The following EPHB1 variants were observed in gnomAD, a reference collection of about 807,000 sequenced individuals.
The protein encoded by EPHB1 is ephrin type-B receptor 1.
A neutral mutation model predicts 94.4 loss-of-function variants in EPHB1; 30 were observed. The observed-to-expected ratio is 0.32, with a 90% confidence interval of 0.24 to 0.43. The LOEUF is 0.43. EPHB1 is among the 20% of genes least tolerant of loss of function. The pLI, the probability that EPHB1 is intolerant of heterozygous loss-of-function variation, is 1.00. For missense variants in EPHB1, 1,055 were observed against 1,308.3 expected (o/e 0.81, Z 2.99); for synonymous variants, 522 against 489.1 (o/e 1.07, Z -0.89).
At chr3:134,907,763 T>C (rs974489444) in intron 1 of EPHB1, among the ~76,000 whole-genome samples, 4 of 149,946 alleles carry the variant, frequency 2.7e-5, no homozygotes, top group African/African-American at 9.8e-5. Flanking sequence ...TATTACTCAA[T>C]TTAAAAATTC....
chr3:135,202,682 C>T (rs1308210030), intron 12 of EPHB1, among the ~76,000 whole-genome samples: 2 of 152,162 alleles, frequency 1.3e-5, no homozygotes, highest in Admixed American at 6.5e-5. Flanking sequence ...TAAAAGGAAA[C>T]GCCAATTAGA....
intron 3 of EPHB1, among the ~76,000 whole-genome samples, chr3:134,959,731 G>T (rs951464195): frequency 2.6e-5 from 4 of 152,080 alleles, no homozygotes. Context: ...GGCTCACCAG[G>T]GAAGAAAAGG....
At chr3:134,907,443 T>G (rs1200031835) in intron 1 of EPHB1, among the ~76,000 whole-genome samples, 2 of 152,224 alleles carry the variant, frequency 1.3e-5, no homozygotes, top group African/African-American at 4.8e-5. Flanking sequence ...CTCAGTTGTC[T>G]CTGGCCATTA....
chr3:135,248,288 C>T (rs758385290), intron 13 of EPHB1, 28 bp from the exon 14 acceptor site: 1 of 1,510,932 alleles, frequency 6.6e-7, no homozygotes, highest in Non-Finnish European at 8.9e-7. Context: ...GTCACTCAAT[C>T]ACACCTGTTC....
chr3:135,174,612 C>T (rs970492503), intron 9 of EPHB1, among the ~76,000 whole-genome samples: 2 of 152,074 alleles, frequency 1.3e-5, no homozygotes, highest in South Asian at 4.1e-4. Context: ...TTTGTTTTGC[C>T]GATAGTTTCC....
intron 3 of EPHB1, among the ~76,000 whole-genome samples, chr3:135,052,969 A>ATATG (rs1937223794): frequency 2.6e-5 from 3 of 113,776 alleles, no homozygotes; most frequent in African/African-American, 1.1e-4. Context: ...GTGTATATAT[A>ATATG]TGTGTATATA....
chr3:135,241,152 G>GGAA lies in EPHB1; in HGVS notation c.2354_2356dup (p.Lys785dup). 1 of 1,614,176 alleles carries GGAA rather than the reference G, an allele frequency of 6.2e-7. No individual in the cohort carries two copies. The highest frequency in any genetic ancestry group is 8.5e-7 in the Non-Finnish European group (1 of 1,180,042). ...CACGGTTTCTCCTTCTTTCAGGGAG[G>GGAA]GAAGATCCCTGTGAGATGGACAGCT... On this transcript the variant is annotated inframe_insertion, in exon 13 of 16. Transcript: ENST00000398015.
chr3:134,879,003 A>G (rs1247203902), intron 1 of EPHB1, among the ~76,000 whole-genome samples: 2 of 152,216 alleles, frequency 1.3e-5, no homozygotes, highest in Non-Finnish European at 2.9e-5. Flanking sequence ...CGTTAAGATA[A>G]TCAGAGGGAT....
rs145866122 is a variant in EPHB1, at chr3:135,106,139, C to G, written c.806-309C>G. Among the ~76,000 whole-genome samples the G allele has an allele frequency of 8.8e-3, 1,332 of 152,184 alleles. 15 individuals carry two copies. The highest frequency in any genetic ancestry group is 0.031 in the African/African-American group (1,267 of 41,514). ...TAACCATTTATAGAGCACTTATGTC[C>G]CAGGAACTGAGCTACACTTTAGATT... On this transcript the variant is annotated intron_variant, in intron 3 of 15. Transcript: ENST00000398015.
At chr3:134,966,676 C>T (rs1163858360) in intron 3 of EPHB1, among the ~76,000 whole-genome samples, 1 of 152,260 alleles carries the variant, frequency 6.6e-6, no homozygotes, top group African/African-American at 2.4e-5. Flanking sequence ...CACCAGGAAG[C>T]CCCAGCTTGG....
rs545374324 is a variant in EPHB1, at chr3:135,221,736, C to T, written c.2347-19412C>T. Among the ~76,000 whole-genome samples the T allele has an allele frequency of 4.6e-5, 7 of 152,240 alleles. No individual in the cohort carries two copies. In the South Asian group the frequency reaches 1.0e-3, roughly 23 times the overall value. On this transcript the variant is annotated intron_variant, in intron 12 of 15. Coordinates refer to ENST00000398015, the MANE Select transcript of EPHB1 (RefSeq NM_004441.5). ...ATCTGTCAAAGGGGATACTATATTA[C>T]GCCTCATGTACATCACATGACTACT... is the stretch of plus-strand genomic sequence containing the variant.
intron 1 of EPHB1, among the ~76,000 whole-genome samples, chr3:134,882,856 A>C (rs1199408487): frequency 1.6e-5 from 1 of 64,098 alleles, no homozygotes; most frequent in Non-Finnish European, 3.6e-5. Flanking sequence ...TTCTCTCTTG[A>C]CTGTCACCCA....
intron 1 of EPHB1, among the ~76,000 whole-genome samples, chr3:134,847,836 A>G (rs145357300): frequency 1.3e-5 from 2 of 152,268 alleles, no homozygotes; most frequent in East Asian, 1.9e-4. Context: ...CAATTTTCCC[A>G]TTGTGGCTGA....
Position 135,247,172 on chromosome 3 carries a change from C to T in EPHB1, c.2497-1144C>T, listed in dbSNP as rs549678907. Among the ~76,000 whole-genome samples the T allele has an allele frequency of 2.0e-4, 30 of 152,256 alleles. 2 individuals are homozygous for T. In the South Asian group the frequency reaches 5.2e-3, roughly 26 times the overall value. ...AAATTCAAACAAGCAAAGAGAAACACATGAAAAATATTCAGGTTTCTGCCT... is the reference window on the plus strand; with the variant it reads ...AAATTCAAACAAGCAAAGAGAAACATATGAAAAATATTCAGGTTTCTGCCT... On this transcript the variant is annotated intron_variant, in intron 13 of 15. Transcript: ENST00000398015.
intron 15 of EPHB1, among the ~76,000 whole-genome samples, chr3:135,257,260 G>C (rs1029690075): frequency 6.6e-6 from 1 of 152,198 alleles, no homozygotes; most frequent in African/African-American, 2.4e-5. Context: ...TTGCTGGTGA[G>C]GAACTGCGTT....
intron 1 of EPHB1, among the ~76,000 whole-genome samples, chr3:134,901,610 T>C (rs1179512768): frequency 6.6e-6 from 1 of 152,198 alleles, no homozygotes; most frequent in Non-Finnish European, 1.5e-5. Flanking sequence ...GGCATCTCAC[T>C]GAGTGCAGCC....
At chr3:134,920,792 G>A (rs960985526) in intron 1 of EPHB1, among the ~76,000 whole-genome samples, 2 of 152,192 alleles carry the variant, frequency 1.3e-5, no homozygotes, top group African/African-American at 4.8e-5. Flanking sequence ...CTCACAGGAG[G>A]CTCAGACCTG....
chr3:135,077,100 A>G (rs1333503586), intron 3 of EPHB1, among the ~76,000 whole-genome samples: 1 of 152,216 alleles, frequency 6.6e-6, no homozygotes, highest in Non-Finnish European at 1.5e-5. Context: ...TTATACCTCC[A>G]TAAAACTGCT....
At chr3:135,130,377 C>T (rs1279944830) in intron 4 of EPHB1, among the ~76,000 whole-genome samples, 1 of 152,058 alleles carries the variant, frequency 6.6e-6, no homozygotes, top group Admixed American at 6.5e-5. Context: ...ACATAGAAAG[C>T]CAAAGGAAAA....
Sources: allele counts gnomAD v4.1 joint callset (sites outside exome capture counted in the v4.1 genomes callset), GRCh38; gene constraint gnomAD v4.1.1; transcripts MANE v1.5; gene names NCBI Gene and HGNC (gene_info 2026-07-23, HGNC 2026-07-21).